CTNNAL1: variants seen among roughly 807,000 people sequenced by gnomAD.
CTNNAL1 encodes alpha-catulin.
CTNNAL1 carries 69 observed loss-of-function variants against 93.6 expected under a neutral mutation model. The ratio of observed to expected loss-of-function variants is 0.74; its 90% CI spans 0.61 to 0.90. The LOEUF (loss-of-function observed/expected upper bound fraction) is 0.90. CTNNAL1 is among the 40% of genes least tolerant of loss of function. The pLI, the probability that CTNNAL1 is intolerant of heterozygous loss-of-function variation, is 0.00. For missense variants in CTNNAL1, 836 were observed against 862.0 expected, an observed-to-expected ratio of 0.97 and a Z score of 0.38; for synonymous variants, 286 against 305.4, an observed-to-expected ratio of 0.94 and a Z score of 0.66.
chr9:109,008,605 G>A (rs1033697598), intron 1 of CTNNAL1, among the ~76,000 whole-genome samples: 8 of 152,102 alleles, frequency 5.3e-5, no homozygotes, highest in South Asian at 2.1e-4. Context: ...CCATCTCCAC[G>A]TTCCTCACCA....
At position 109,013,400 on chromosome 9, in the gene CTNNAL1, C is replaced by T; in HGVS notation, c.43G>A (p.Ala15Thr). Reference sequence around the variant, plus strand: ...CCCGAAGAGCCGGAGCCGTAGACTGCTCCGGCGCCGCCAACGCCGGCGGGT... The same window carrying T: ...CCCGAAGAGCCGGAGCCGTAGACTGTTCCGGCGCCGCCAACGCCGGCGGGT... The part of the protein sequence containing the change: ...PGPAGVGGAG[A>T]VYGSGSSGFA... The change falls in exon 1 of 19, where the codon GCA (alanine) becomes ACA (threonine). Residue 15 changes from alanine (A) to threonine (T), a missense_variant. Coordinates refer to ENST00000325551, the MANE Select transcript of CTNNAL1 (RefSeq NM_003798.4). The T allele has an allele frequency of 6.7e-7, 1 of 1,493,894 alleles. No individual in the cohort carries two copies. The highest frequency in any genetic ancestry group is 1.3e-5 in the South Asian group (1 of 78,572). The allele number at this position is 1,493,894 out of a possible 1,614,324, so 92.5% of individuals were successfully genotyped here.
chr9:108,995,148 C>T (rs1831971071), intron 2 of CTNNAL1, among the ~76,000 whole-genome samples: 1 of 152,118 alleles, frequency 6.6e-6, no homozygotes, highest in Non-Finnish European at 1.5e-5. Flanking sequence ...ATTTGTTACA[C>T]AGAAATAGGT....
chr9:108,949,561 A>G (rs977156723), intron 14 of CTNNAL1, among the ~76,000 whole-genome samples: 2 of 151,952 alleles, frequency 1.3e-5, no homozygotes, highest in South Asian at 4.2e-4. Flanking sequence ...TACAAAAATT[A>G]GGCCAGGTGT....
At chr9:108,972,893 G>C in intron 8 of CTNNAL1, 60 bp from the exon 9 acceptor site, 30 of 1,448,884 alleles carry the variant, frequency 2.1e-5, no homozygotes, top group Non-Finnish European at 2.6e-5. Flanking sequence ...GGTGATGAAG[G>C]AAAGAAAACA....
At chr9:108,962,404 A>T (rs1208139223) in intron 11 of CTNNAL1, among the ~76,000 whole-genome samples, 5 of 152,182 alleles carry the variant, frequency 3.3e-5, no homozygotes, top group Admixed American at 2.0e-4. Flanking sequence ...TAAAGAGCCT[A>T]ACTTTGGTAG....
chr9:108,954,567 G>T (rs1363254116), intron 12 of CTNNAL1, among the ~76,000 whole-genome samples: 2 of 152,090 alleles, frequency 1.3e-5, no homozygotes, highest in East Asian at 1.9e-4. Flanking sequence ...ATCTGTTAGG[G>T]TTATCTTAAA....
chr9:108,959,289 C>T (rs1269994362), intron 11 of CTNNAL1, among the ~76,000 whole-genome samples: 11 of 149,198 alleles, frequency 7.4e-5, no homozygotes, highest in African/African-American at 2.2e-4. Context: ...GGCATGAACC[C>T]GGGAGGCAGA....
At chr9:108,950,241 T>C (rs1341163670) in intron 14 of CTNNAL1, among the ~76,000 whole-genome samples, 2 of 152,244 alleles carry the variant, frequency 1.3e-5, no homozygotes, top group African/African-American at 4.8e-5. Context: ...TGCAAATTTA[T>C]TGTGGGTAAA....
intron 1 of CTNNAL1, 63 bp downstream of exon 1, chr9:109,013,239 G>T: frequency 7.1e-7 from 1 of 1,403,678 alleles, no homozygotes; most frequent in Non-Finnish European, 9.3e-7. Flanking sequence ...TCGTGCGAGC[G>T]GCGGCCGCCA....
chr9:108,987,451 G>A lies in CTNNAL1; in HGVS notation c.640-3015C>T, dbSNP rs561156158. Among the ~76,000 whole-genome samples, 466 of 152,328 alleles carry A rather than the reference G, an allele frequency of 3.1e-3. 3 individuals are homozygous for A. The highest frequency in any genetic ancestry group is 0.011 in the African/African-American group (451 of 41,580). On this transcript the variant is annotated intron_variant, in intron 4 of 18. Transcript: ENST00000325551. ...CTGTAGCCTTGTAGTATAGTTTGAAGTCAGGTATTGTGATGCCTCCAGCTT... is the reference window on the plus strand; with the variant it reads ...CTGTAGCCTTGTAGTATAGTTTGAAATCAGGTATTGTGATGCCTCCAGCTT...
intron 1 of CTNNAL1, among the ~76,000 whole-genome samples, chr9:109,009,942 G>A (rs1406586134): frequency 6.6e-6 from 1 of 152,094 alleles, no homozygotes; most frequent in African/African-American, 2.4e-5. Context: ...TATATACATA[G>A]CAAAAGCAAC....
intron 14 of CTNNAL1, among the ~76,000 whole-genome samples, chr9:108,950,135 CA>C (rs1308377442): frequency 1.5e-4 from 23 of 151,732 alleles, no homozygotes; most frequent in Non-Finnish European, 4.4e-5. Flanking sequence ...TCTTATTAGT[CA>C]AAAACATTTT....
chr9:108,972,522 A>C (rs1434641286), intron 9 of CTNNAL1, among the ~76,000 whole-genome samples, 153 bp downstream of exon 9: 1 of 152,176 alleles, frequency 6.6e-6, no homozygotes, highest in Non-Finnish European at 1.5e-5. Flanking sequence ...CTGTTGCAGG[A>C]ACAGAACAGA....
intron 4 of CTNNAL1, among the ~76,000 whole-genome samples, chr9:108,989,869 G>A (rs1831733357): frequency 6.6e-6 from 1 of 152,090 alleles, no homozygotes; most frequent in African/African-American, 2.4e-5. Flanking sequence ...GGCCAACATG[G>A]TGAAACCCTG....
chr9:108,989,171 G>T (rs557886721), intron 4 of CTNNAL1, among the ~76,000 whole-genome samples: 27 of 152,194 alleles, frequency 1.8e-4, no homozygotes, highest in Non-Finnish European at 3.7e-4. Flanking sequence ...GATGGTGAAA[G>T]TTTTTCAGTT....
intron 5 of CTNNAL1, among the ~76,000 whole-genome samples, chr9:108,984,081 T>C (rs1195899637): frequency 3.3e-5 from 5 of 152,218 alleles, no homozygotes; most frequent in African/African-American, 1.2e-4. Context: ...GCAGCTACCA[T>C]GTGTGACAGG....
chr9:108,977,086 A>G (rs1035116504), intron 7 of CTNNAL1, 38 bp from the exon 8 acceptor site: 2 of 868,000 alleles, frequency 2.3e-6, no homozygotes, highest in Non-Finnish European at 3.5e-6. Flanking sequence ...ATGTTACCGC[A>G]TCTCTTTAAT....
At chr9:108,967,134 A>T (rs1411977648) in intron 10 of CTNNAL1, among the ~76,000 whole-genome samples, 1 of 152,170 alleles carries the variant, frequency 6.6e-6, no homozygotes, top group Non-Finnish European at 1.5e-5. Flanking sequence ...AGTAAGTAGT[A>T]TTTTAGAGAA....
At chr9:108,975,349 G>T (rs892399297) in intron 8 of CTNNAL1, among the ~76,000 whole-genome samples, 2 of 151,830 alleles carry the variant, frequency 1.3e-5, no homozygotes, top group Non-Finnish European at 2.9e-5. Flanking sequence ...GGGTAGGGGG[G>T]GCAACAGGAA....
Sources: allele counts gnomAD v4.1 joint callset (sites outside exome capture counted in the v4.1 genomes callset), GRCh38; gene constraint gnomAD v4.1.1; transcripts MANE v1.5; gene names NCBI Gene and HGNC (gene_info 2026-07-23, HGNC 2026-07-21).